Variants in AUTS2 observed in about 807,000 individuals in gnomAD.
The protein encoded by AUTS2 is activator of transcription and developmental regulator AUTS2, also known as autism susceptibility gene 2 protein.
AUTS2 carries 17 observed loss-of-function variants against 112.4 expected under a neutral mutation model. That is an observed-to-expected ratio of 0.15 (90% CI 0.10 to 0.23). The LOEUF is 0.23. Ranked by LOEUF, AUTS2 falls within the 10% of genes least tolerant of loss-of-function variation. The pLI, the probability that AUTS2 is intolerant of heterozygous loss-of-function variation, is 1.00. For synonymous variants in AUTS2, 751 were observed against 702.7 expected, an observed-to-expected ratio of 1.07 and a Z score of -1.09; for missense variants, 1,510 against 1,701.6, an observed-to-expected ratio of 0.89 and a Z score of 1.98.
At chr7:70,389,354 AC>A (rs1793749603) in intron 4 of AUTS2, among the ~76,000 whole-genome samples, 1 of 152,210 alleles carries the variant, frequency 6.6e-6, no homozygotes, top group Non-Finnish European at 1.5e-5. Flanking sequence ...GGGAAAAAAA[AC>A]ACGAAGTTTT....
At chr7:70,748,740 G>A (rs766433272) in intron 6 of AUTS2, among the ~76,000 whole-genome samples, 2 of 152,134 alleles carry the variant, frequency 1.3e-5, no homozygotes, top group Non-Finnish European at 1.5e-5. Context: ...CCACTCCATG[G>A]GTAACACCTC....
At chr7:70,769,502 G>A (rs971698285) in intron 10 of AUTS2, among the ~76,000 whole-genome samples, 5 of 152,162 alleles carry the variant, frequency 3.3e-5, no homozygotes, top group African/African-American at 7.2e-5. Context: ...TGGCTAACAC[G>A]GTGAAACCCC....
intron 1 of AUTS2, among the ~76,000 whole-genome samples, chr7:69,607,083 G>A (rs913321304): frequency 6.6e-5 from 10 of 152,146 alleles, no homozygotes; most frequent in African/African-American, 2.4e-4. Flanking sequence ...AGGAGGGGAG[G>A]AGTGAGTTTT....
chr7:70,139,401 A>G lies in AUTS2; in HGVS notation c.660+4830A>G, dbSNP rs1562731667. Among the ~76,000 whole-genome samples, 4 of 152,208 alleles carry G rather than the reference A, an allele frequency of 2.6e-5. 1 individual carries two copies. In the South Asian group the frequency reaches 8.3e-4, roughly 31 times the overall value. On this transcript the variant is annotated intron_variant, in intron 4 of 18. Coordinates refer to ENST00000342771, the MANE Select transcript of AUTS2 (RefSeq NM_015570.4). ...TATCTTGATGTAACTGCCAGAAAAT[A>G]TCTTGCTTTTATTATTTTCCCATTG...
At position 69,599,558 on chromosome 7, in the gene AUTS2, T is replaced by G; in HGVS notation, c.-96T>G. 41 of 1,097,960 alleles carry G rather than the reference T, an allele frequency of 3.7e-5. No homozygotes were observed. The highest frequency in any genetic ancestry group is 9.1e-5 in the South Asian group (2 of 21,940). 68.0% of individuals were successfully genotyped at this position (1,097,960 alleles called of 1,614,324 possible). On this transcript the variant is annotated 5_prime_UTR_variant, in exon 1 of 19. Coordinates refer to ENST00000342771, the MANE Select transcript of AUTS2 (RefSeq NM_015570.4). The surrounding 1 kb of genome is among the most constrained non-coding windows in gnomAD (Gnocchi z 7.0). ...CCCTCCTCGGGGCGGAGGGAAGCCGTGAAGGGGGAGGGAGGGCTCGGTGTC... is the reference window on the plus strand; with the variant it reads ...CCCTCCTCGGGGCGGAGGGAAGCCGGGAAGGGGGAGGGAGGGCTCGGTGTC...
At chr7:69,747,787 GT>G (rs1354698866) in intron 1 of AUTS2, among the ~76,000 whole-genome samples, 4 of 136,900 alleles carry the variant, frequency 2.9e-5, no homozygotes, top group African/African-American at 1.1e-4. Flanking sequence ...GGAGAGGGGT[GT>G]GTGTGTGTGT....
chr7:69,758,450 G>C (rs1400235104), intron 1 of AUTS2, among the ~76,000 whole-genome samples: 1 of 152,126 alleles, frequency 6.6e-6, no homozygotes, highest in African/African-American at 2.4e-5. Context: ...CTACTCTCCT[G>C]CTTCCTTTTT....
intron 5 of AUTS2, among the ~76,000 whole-genome samples, chr7:70,625,356 A>G (rs1480915720): frequency 6.6e-6 from 1 of 152,176 alleles, no homozygotes; most frequent in Non-Finnish European, 1.5e-5. Flanking sequence ...TTCCCGACTT[A>G]CAGCCGTTGA....
intron 15 of AUTS2, 115 bp downstream of exon 15, chr7:70,781,871 TA>T: frequency 7.3e-7 from 1 of 1,367,472 alleles, no homozygotes; most frequent in South Asian, 1.4e-5. Flanking sequence ...AAAATACAGT[TA>T]ATGCCAGCTT....
intron 5 of AUTS2, among the ~76,000 whole-genome samples, chr7:70,639,339 G>A (rs760392547): frequency 1.3e-5 from 2 of 152,044 alleles, no homozygotes; most frequent in Non-Finnish European, 2.9e-5. Flanking sequence ...CCCCAAGAAG[G>A]TTGAAGATTG....
intron 1 of AUTS2, among the ~76,000 whole-genome samples, chr7:69,655,274 T>TTCA (rs1327028082): frequency 2.3e-4 from 35 of 152,226 alleles, no homozygotes; most frequent in Admixed American, 1.0e-3. Context: ...AAGCAAACAC[T>TTCA]TCAGGATTTT....
intron 5 of AUTS2, among the ~76,000 whole-genome samples, chr7:70,443,532 G>A (rs965940547): frequency 6.6e-6 from 1 of 152,214 alleles, no homozygotes; most frequent in African/African-American, 2.4e-5. Context: ...TGTGGAAAGA[G>A]GATTATATAA....
intron 5 of AUTS2, among the ~76,000 whole-genome samples, chr7:70,679,320 A>G (rs1449293092): frequency 6.6e-6 from 1 of 152,230 alleles, no homozygotes; most frequent in Non-Finnish European, 1.5e-5. Flanking sequence ...TGGCCCATCC[A>G]AGGGGGAAGT....
chr7:69,803,859 G>A (rs1790188248), intron 1 of AUTS2, among the ~76,000 whole-genome samples: 1 of 152,142 alleles, frequency 6.6e-6, no homozygotes, highest in Non-Finnish European at 1.5e-5. Flanking sequence ...ACAAGACACT[G>A]TCTCTACAAA....
chr7:70,025,002 AT>A (rs1296189226), intron 2 of AUTS2, among the ~76,000 whole-genome samples: 10 of 152,214 alleles, frequency 6.6e-5, no homozygotes, highest in Admixed American at 3.3e-4. Flanking sequence ...TAATCATAAC[AT>A]TGTCTCATTC....
At chr7:69,658,476 C>T (rs925843690) in intron 1 of AUTS2, among the ~76,000 whole-genome samples, 16 of 152,108 alleles carry the variant, frequency 1.1e-4, no homozygotes, top group African/African-American at 3.4e-4. Flanking sequence ...TAGAGCTAGA[C>T]AATTATATAC....
At chr7:70,120,165 G>A (rs1167294240) in intron 3 of AUTS2, 11 of 152,008 alleles carry the variant, frequency 7.2e-5, no homozygotes, top group South Asian at 2.1e-4. Context: ...AGACAATTCC[G>A]AGATACAATC....
intron 1 of AUTS2, among the ~76,000 whole-genome samples, chr7:69,744,127 G>A (rs1026359888): frequency 3.3e-5 from 5 of 152,052 alleles, no homozygotes; most frequent in African/African-American, 7.2e-5. Context: ...ATTCATGTTG[G>A]CATGTATCAG....
At chr7:70,647,209 G>A (rs947515828) in intron 5 of AUTS2, among the ~76,000 whole-genome samples, 15 of 152,286 alleles carry the variant, frequency 9.8e-5, no homozygotes, top group South Asian at 8.3e-4. Flanking sequence ...CCCATTCCAC[G>A]TTTCCCCTCT....
Sources: gnomAD v4.1 joint callset for allele counts (sites outside exome capture counted in the v4.1 genomes callset) on GRCh38, gnomAD v4.1.1 for gene constraint, Gnocchi (gnomAD v3.1) non-coding constraint, MANE v1.5 for transcripts, NCBI Gene and HGNC (gene_info 2026-07-23, HGNC 2026-07-21) for gene names.